Variants in OR2L13 observed in about 807,000 individuals in gnomAD.
The protein encoded by OR2L13 is olfactory receptor family 2 subfamily L member 13.
A neutral mutation model predicts 15.3 loss-of-function variants in OR2L13; 14 were observed. The ratio of observed to expected loss-of-function variants is 0.91; its 90% CI spans 0.60 to 1.43. The LOEUF (loss-of-function observed/expected upper bound fraction) is 1.43, where lower values mean the gene tolerates loss of function less well. OR2L13 is among the 40% of genes most tolerant of loss of function. OR2L13 has a pLI of 0.00. For synonymous variants in OR2L13, 152 were observed against 142.9 expected (o/e 1.06, Z -0.45); for missense variants, 367 against 387.9 (o/e 0.95, Z 0.45).
the OR2L13 span, among the ~76,000 whole-genome samples, chr1:248,080,903 C>T: frequency 1.2e-4 from 18 of 152,266 alleles, no homozygotes; most frequent in Admixed American, 3.9e-4. Flanking sequence ...GTGTTTGTTT[C>T]TGGGTGCTAG....
the OR2L13 span, among the ~76,000 whole-genome samples, chr1:247,948,221 A>G: frequency 6.6e-6 from 1 of 152,208 alleles, no homozygotes; most frequent in Non-Finnish European, 1.5e-5. Flanking sequence ...ACTTAAAAAA[A>G]AAGAAAAAGA....
At chr1:248,027,287 C>T in the OR2L13 span, among the ~76,000 whole-genome samples, 1 of 152,154 alleles carries the variant, frequency 6.6e-6, no homozygotes, top group Admixed American at 6.5e-5. Flanking sequence ...GCTCTCAAAC[C>T]CTGTCTCCTG....
At chr1:247,991,957 C>T in the OR2L13 span, among the ~76,000 whole-genome samples, 1 of 149,326 alleles carries the variant, frequency 6.7e-6, no homozygotes, top group Non-Finnish European at 1.5e-5. Flanking sequence ...ATGAGAAAAG[C>T]CCCGAATTAT....
chr1:248,000,125 T>G, the OR2L13 span, among the ~76,000 whole-genome samples: 1 of 147,952 alleles, frequency 6.8e-6, no homozygotes, highest in East Asian at 2.0e-4. Context: ...TTTTTTTTGG[T>G]GTGTGTGTGT....
the OR2L13 span, among the ~76,000 whole-genome samples, chr1:248,010,267 G>A: frequency 1.3e-5 from 2 of 151,866 alleles, no homozygotes; most frequent in African/African-American, 2.4e-5. Context: ...TTAGGGAACC[G>A]CATAGTCTCA....
chr1:247,964,727 A>G, the OR2L13 span, among the ~76,000 whole-genome samples: 4 of 151,740 alleles, frequency 2.6e-5, no homozygotes, highest in Admixed American at 6.6e-5. Flanking sequence ...CTACACATCT[A>G]TGATACGTGT....
At chr1:247,960,380 A>C in the OR2L13 span, among the ~76,000 whole-genome samples, 1 of 152,164 alleles carries the variant, frequency 6.6e-6, no homozygotes, top group Admixed American at 6.5e-5. Context: ...TAGGCTACTC[A>C]GGGGTCAGGG....
chr1:247,994,279 C>T, the OR2L13 span, among the ~76,000 whole-genome samples: 1 of 152,104 alleles, frequency 6.6e-6, no homozygotes, highest in Non-Finnish European at 1.5e-5. Context: ...CGCCTGTAGT[C>T]CCGGCTGCTT....
At chr1:248,057,226 A>G in the OR2L13 span, among the ~76,000 whole-genome samples, 3 of 152,096 alleles carry the variant, frequency 2.0e-5, no homozygotes, top group Non-Finnish European at 2.9e-5. Flanking sequence ...TCTAATAGTG[A>G]CGGTGGGGTA....
At chr1:248,090,675 C>T (rs574473802), upstream of OR2L13, among the ~76,000 whole-genome samples, 17 of 152,254 alleles carry the variant, frequency 1.1e-4, no homozygotes, top group East Asian at 3.3e-3. Context: ...TTTTCTTTAT[C>T]CAATCTACTA....
upstream of OR2L13, among the ~76,000 whole-genome samples, chr1:248,094,541 A>C (rs1179021185): frequency 6.6e-6 from 1 of 152,222 alleles, no homozygotes; most frequent in Non-Finnish European, 1.5e-5. Flanking sequence ...TTCCCAACTC[A>C]GCTTCCTAAT....
the OR2L13 span, among the ~76,000 whole-genome samples, chr1:248,002,547 A>G: frequency 1.3e-5 from 2 of 152,318 alleles, no homozygotes; most frequent in African/African-American, 4.8e-5. Flanking sequence ...GCATGTGTCA[A>G]AATTTCTTCG....
the OR2L13 span, chr1:248,022,308 C>T: frequency 4.5e-5 from 72 of 1,614,134 alleles, 1 homozygote; most frequent in South Asian, 6.8e-4. Flanking sequence ...GGCCTATGAT[C>T]GTTATGTGGC....
the OR2L13 span, among the ~76,000 whole-genome samples, chr1:248,048,944 T>A: frequency 6.9e-6 from 1 of 145,906 alleles, no homozygotes; most frequent in Admixed American, 6.8e-5. Flanking sequence ...TTTTGGTAAA[T>A]CCACACGTTT....
chr1:248,028,411 A>G, the OR2L13 span, among the ~76,000 whole-genome samples: 1 of 152,224 alleles, frequency 6.6e-6, no homozygotes, highest in Non-Finnish European at 1.5e-5. Context: ...AAGATTTGAC[A>G]TAAATGGTTA....
chr1:248,051,794 T>C, the OR2L13 span, among the ~76,000 whole-genome samples: 1 of 152,172 alleles, frequency 6.6e-6, no homozygotes, highest in Non-Finnish European at 1.5e-5. Context: ...TATTATTTTA[T>C]TTATTTCATT....
chr1:248,088,244 A>G, the OR2L13 span, among the ~76,000 whole-genome samples: 38 of 151,936 alleles, frequency 2.5e-4, no homozygotes, highest in Non-Finnish European at 5.9e-5. Flanking sequence ...TTACACTTTG[A>G]GAAATACTGC....
chr1:248,031,364 A>G, the OR2L13 span, among the ~76,000 whole-genome samples: 1 of 152,200 alleles, frequency 6.6e-6, no homozygotes, highest in East Asian at 1.9e-4. Flanking sequence ...GCCCCTCAGC[A>G]CTTGTAAAGT....
chr1:248,050,221 A>G, the OR2L13 span, among the ~76,000 whole-genome samples: 1 of 152,010 alleles, frequency 6.6e-6, no homozygotes, highest in African/African-American at 2.4e-5. Flanking sequence ...CCTCCTGTGT[A>G]TTCTGTCATT....
Sources: gnomAD v4.1 joint callset for allele counts (sites outside exome capture counted in the v4.1 genomes callset) on GRCh38, gnomAD v4.1.1 for gene constraint, MANE v1.5 for transcripts, NCBI Gene and HGNC (gene_info 2026-07-23, HGNC 2026-07-21) for gene names.